The following CNOT2 variants were observed in gnomAD, a reference collection of about 807,000 sequenced individuals.
The protein encoded by CNOT2 is CC chemokine receptor 4-negative regulator of transcription 2.
A neutral mutation model predicts 72.1 loss-of-function variants in CNOT2; 7 were observed. The observed-to-expected ratio is 0.10, with a 90% confidence interval of 0.06 to 0.18. The LOEUF is 0.18. CNOT2 is among the 10% of genes least tolerant of loss of function. The pLI is 1.00. For synonymous variants in CNOT2, 196 were observed against 225.6 expected (o/e 0.87, Z 1.17); for missense variants, 345 against 660.3 (o/e 0.52, Z 5.23).
intron 2 of CNOT2, among the ~76,000 whole-genome samples, chr12:70,284,603 A>C (rs1276200209): frequency 7.9e-6 from 1 of 126,314 alleles, no homozygotes; most frequent in African/African-American, 3.0e-5. Flanking sequence ...TTTGGCATTC[A>C]TGGCTTCTCT....
intron 2 of CNOT2, among the ~76,000 whole-genome samples, chr12:70,291,061 G>A (rs1279829080): frequency 1.3e-5 from 2 of 152,162 alleles, no homozygotes; most frequent in Non-Finnish European, 1.5e-5. Flanking sequence ...ATGTAGAATT[G>A]TCATAGTCCT....
chr12:70,294,044 A>G (rs1351537590), intron 2 of CNOT2: 5 of 1,100,552 alleles, frequency 4.5e-6, no homozygotes, highest in South Asian at 2.6e-5. Flanking sequence ...TCAGATCTTT[A>G]TAGCATGATT....
chr12:70,273,797 T>C (rs1868346607), intron 1 of CNOT2, among the ~76,000 whole-genome samples: 1 of 152,094 alleles, frequency 6.6e-6, no homozygotes, highest in Admixed American at 6.6e-5. Context: ...CTACTTATAG[T>C]AAATTTTGTG....
intron 7 of CNOT2, among the ~76,000 whole-genome samples, chr12:70,334,208 T>A (rs192944448): frequency 4.4e-4 from 67 of 152,154 alleles, no homozygotes; most frequent in African/African-American, 1.5e-3. Context: ...TCATTTATAA[T>A]CAAAGAATTT....
chr12:70,344,252 C>G (rs367716358), intron 14 of CNOT2, 24 bp downstream of exon 14: 2 of 1,436,472 alleles, frequency 1.4e-6, no homozygotes, highest in Non-Finnish European at 2.0e-6. Flanking sequence ...ATTTTAATCA[C>G]TTTTGTATTA....
chr12:70,244,005 C>G (rs941007858), intron 1 of CNOT2: 6 of 152,296 alleles, frequency 3.9e-5, no homozygotes, highest in African/African-American at 1.4e-4. Flanking sequence ...TACCTTCTCT[C>G]AATACACGTA....
chr12:70,263,060 A>G (rs1958855187), intron 1 of CNOT2, among the ~76,000 whole-genome samples: 4 of 152,178 alleles, frequency 2.6e-5, no homozygotes, highest in South Asian at 4.1e-4. Flanking sequence ...ATGTCATCCT[A>G]CATCTTTCTG....
At chr12:70,350,473 T>C (rs1882733349) in intron 15 of CNOT2, among the ~76,000 whole-genome samples, 1 of 152,200 alleles carries the variant, frequency 6.6e-6, no homozygotes, top group Non-Finnish European at 1.5e-5. Flanking sequence ...TTTAAGTTAA[T>C]ATGGATTTAT....
intron 1 of CNOT2, among the ~76,000 whole-genome samples, chr12:70,262,861 T>C (rs1403512840): frequency 6.6e-6 from 1 of 151,938 alleles, no homozygotes; most frequent in African/African-American, 2.4e-5. Flanking sequence ...TTTGTAGAGA[T>C]GGAGTTTTGC....
At chr12:70,278,056 A>G (rs1869159451) in intron 1 of CNOT2, 76 bp from the exon 2 acceptor site, 2 of 518,900 alleles carry the variant, frequency 3.9e-6, no homozygotes, top group Non-Finnish European at 6.9e-6. Context: ...TCTGTGTATC[A>G]TATTGAATAT....
At chr12:70,313,524 A>T (rs1422090426) in intron 3 of CNOT2, among the ~76,000 whole-genome samples, 1 of 152,000 alleles carries the variant, frequency 6.6e-6, no homozygotes, top group Admixed American at 6.6e-5. Context: ...TTTTGGTTTA[A>T]CCTGTGAATT....
chr12:70,286,156 G>T (rs147818772), intron 2 of CNOT2, among the ~76,000 whole-genome samples: 1 of 146,586 alleles, frequency 6.8e-6, no homozygotes, highest in African/African-American at 2.5e-5. Context: ...ACTTTATGAC[G>T]TTAGAGAAGT....
intron 1 of CNOT2, among the ~76,000 whole-genome samples, chr12:70,260,206 A>G (rs908574957): frequency 1.3e-5 from 2 of 152,164 alleles, no homozygotes; most frequent in Non-Finnish European, 2.9e-5. Flanking sequence ...TGGAATTTTG[A>G]TAGAATTGTG....
At chr12:70,302,135 A>G (rs1476858139) in intron 2 of CNOT2, among the ~76,000 whole-genome samples, 3 of 152,094 alleles carry the variant, frequency 2.0e-5, no homozygotes, top group Non-Finnish European at 2.9e-5. Flanking sequence ...CTAGCGGTCT[A>G]TCAATTTTGT....
At chr12:70,332,930 A>G (rs1880165319) in intron 7 of CNOT2, 84 bp downstream of exon 7, 2 of 1,397,840 alleles carry the variant, frequency 1.4e-6, no homozygotes, top group African/African-American at 3.0e-5. Context: ...TGGTCTTTAA[A>G]TACGGTAGGA....
chr12:70,255,323 A>G (rs1231730044), intron 1 of CNOT2, among the ~76,000 whole-genome samples: 11 of 152,048 alleles, frequency 7.2e-5, no homozygotes, highest in Admixed American at 7.2e-4. Context: ...TTTGAAATTC[A>G]TTTTTAATTT....
chr12:70,320,668 A>G (rs1378803638), intron 4 of CNOT2, among the ~76,000 whole-genome samples: 3 of 151,938 alleles, frequency 2.0e-5, no homozygotes, highest in Non-Finnish European at 3.0e-5. Flanking sequence ...CCCTTACTAT[A>G]GAAATATCTA....
chr12:70,262,477 G>A (rs890319281), intron 1 of CNOT2, among the ~76,000 whole-genome samples: 5 of 151,936 alleles, frequency 3.3e-5, no homozygotes, highest in African/African-American at 4.8e-5. Flanking sequence ...GGGTTTCACC[G>A]TGTTAGCCAC....
At chr12:70,287,309 A>G (rs549537414) in intron 2 of CNOT2, among the ~76,000 whole-genome samples, 4 of 149,602 alleles carry the variant, frequency 2.7e-5, no homozygotes, top group Admixed American at 1.4e-4. Context: ...CGTCAGTTTT[A>G]CTAGGGGTCA....
Sources: allele counts gnomAD v4.1 joint callset (sites outside exome capture counted in the v4.1 genomes callset), GRCh38; gene constraint gnomAD v4.1.1; transcripts MANE v1.5; gene names NCBI Gene and HGNC (gene_info 2026-07-23, HGNC 2026-07-21).